Variants in AGXT2 observed in about 807,000 individuals in gnomAD.
The protein encoded by AGXT2 is alanine--glyoxylate aminotransferase 2, also known as alanine--glyoxylate aminotransferase 2, mitochondrial.
In AGXT2, 61 loss-of-function variants were observed where a neutral mutation model predicts 62.5. That is an observed-to-expected ratio of 0.98 (90% CI 0.79 to 1.21). The LOEUF (loss-of-function observed/expected upper bound fraction) is 1.21, where lower values mean the gene tolerates loss of function less well. Ranked by LOEUF, AGXT2 falls within the 50% of genes most tolerant of loss-of-function variation. AGXT2 has a pLI of 0.00. For synonymous variants in AGXT2, 243 were observed against 218.7 expected (o/e 1.11, Z -0.98); for missense variants, 666 against 641.5 (o/e 1.04, Z -0.41).
intron 2 of AGXT2, 51 bp from the exon 3 acceptor site, chr5:35,039,559 A>AGT (rs778602497): frequency 6.3e-7 from 1 of 1,583,232 alleles, no homozygotes; most frequent in African/African-American, 1.3e-5. Context: ...GATCAATAGC[A>AGT]GTCAATCTAT....
At chr5:35,015,465 G>A (rs968738487) in intron 9 of AGXT2, among the ~76,000 whole-genome samples, 5 of 152,056 alleles carry the variant, frequency 3.3e-5, no homozygotes, top group African/African-American at 1.2e-4. Flanking sequence ...CTGTCTCTCT[G>A]TCTGTCTGTC....
chr5:35,035,201 A>C, intron 5 of AGXT2, 21 bp downstream of exon 5: 1 of 1,605,792 alleles, frequency 6.2e-7, no homozygotes, highest in Non-Finnish European at 8.5e-7. Context: ...CCTAAAGTTG[A>C]ATATTCCAAG....
At chr5:35,020,680 C>T (rs1032238425) in intron 9 of AGXT2, among the ~76,000 whole-genome samples, 18 of 152,150 alleles carry the variant, frequency 1.2e-4, no homozygotes, top group South Asian at 6.2e-4. Context: ...GGGATGCCCT[C>T]GCTCACCACT....
At chr5:35,024,833 G>A (rs1767261583) in intron 9 of AGXT2, among the ~76,000 whole-genome samples, 1 of 152,104 alleles carries the variant, frequency 6.6e-6, no homozygotes, top group Non-Finnish European at 1.5e-5. Context: ...AGCCGGGTGT[G>A]GTGGCGGATG....
In AGXT2 at chr5:35,003,767, G is replaced by GA. The variant is rs1464274857; in HGVS notation, c.1432dup (p.Ser478PhefsTer14). 2 of 1,613,914 alleles carry GA rather than the reference G, an allele frequency of 1.2e-6. No homozygotes were observed. The highest frequency in any genetic ancestry group is 2.2e-5 in the East Asian group (1 of 44,868). On this transcript the variant is annotated frameshift_variant, in exon 13 of 14. Transcript: ENST00000231420. LOFTEE classifies it high-confidence loss of function. ...AAAAACCAGTCTTTCTCTTACCTGA[G>GA]AAAAAATGCTGCCTCTGCCAACGAG... is the stretch of plus-strand genomic sequence containing the variant.
intron 7 of AGXT2, among the ~76,000 whole-genome samples, chr5:35,031,364 C>T (rs1209315357): frequency 2.0e-5 from 3 of 152,168 alleles, no homozygotes; most frequent in Admixed American, 6.5e-5. Flanking sequence ...TCTCTTACCT[C>T]CATTTTGCTA....
At chr5:35,045,405 T>C (rs1187544539) in intron 1 of AGXT2, among the ~76,000 whole-genome samples, 3 of 152,222 alleles carry the variant, frequency 2.0e-5, no homozygotes, top group African/African-American at 7.2e-5. Context: ...ATTGGATACA[T>C]ACATAAATAC....
chr5:35,037,964 T>C (rs1767845684), intron 3 of AGXT2, among the ~76,000 whole-genome samples: 1 of 147,434 alleles, frequency 6.8e-6, no homozygotes, highest in Non-Finnish European at 1.5e-5. Context: ...CTACAGTTTG[T>C]TACAGGCCAA....
intron 7 of AGXT2, among the ~76,000 whole-genome samples, chr5:35,028,026 G>C (rs1561226366): frequency 6.6e-6 from 1 of 151,858 alleles, no homozygotes; most frequent in Non-Finnish European, 1.5e-5. Context: ...TGTGGCAGGG[G>C]AGGGTTTCCT....
At chr5:35,045,156 TAC>T (rs535671288) in intron 1 of AGXT2, among the ~76,000 whole-genome samples, 56 of 152,372 alleles carry the variant, frequency 3.7e-4, no homozygotes, top group Non-Finnish European at 6.5e-4. Context: ...TAACTTTGTA[TAC>T]ACAGTTAGCC....
At position 35,003,846 on chromosome 5, in the gene AGXT2, G is replaced by C; in HGVS notation, c.1354C>G (p.Leu452Val). The change falls in exon 13 of 14, where the codon CTT becomes GTT. Residue 452 changes from leucine (L) to valine (V), a missense_variant. Leu to Val is a conservative substitution (Grantham distance 32). Coordinates refer to ENST00000231420, the MANE Select transcript of AGXT2 (RefSeq NM_031900.4). ...ATCTGATTTACTTCTTCACGGGGAA[G>C]AGGCCGACAGCTTATCTGTAAATAT... The part of the protein sequence containing the change: ...MVQDKISCRP[L>V]PREEVNQIHE... 1 of 1,614,144 alleles carries C rather than the reference G, an allele frequency of 6.2e-7. No individual in the cohort carries two copies. Among genetic ancestry groups the C allele is most frequent in the South Asian group, 1.1e-5 (1 of 91,086 alleles).
chr5:35,041,226 A>G (rs1280854794), intron 1 of AGXT2, among the ~76,000 whole-genome samples: 12 of 149,030 alleles, frequency 8.1e-5, no homozygotes, highest in Non-Finnish European at 1.8e-4. Flanking sequence ...CCCCCGCCAA[A>G]AAAAAAAAAA....
chr5:35,023,809 C>T (rs578161711), intron 9 of AGXT2, among the ~76,000 whole-genome samples: 1 of 152,302 alleles, frequency 6.6e-6, no homozygotes, highest in South Asian at 2.1e-4. Flanking sequence ...GCTGCCCAGG[C>T]AGAAATTGCA....
At chr5:35,038,589 AG>A (rs922876724) in intron 3 of AGXT2, among the ~76,000 whole-genome samples, 16 of 151,890 alleles carry the variant, frequency 1.1e-4, no homozygotes, top group African/African-American at 2.7e-4. Context: ...CAGCTGCCTG[AG>A]GGGGGGGACT....
chr5:35,026,474 A>G lies in AGXT2; in HGVS notation c.806T>C (p.Phe269Ser). The part of the protein sequence containing the change: ...CQAKDQYIEQ[F>S]KDTLSTSVAK... ...CACAGATGTGCTCAGCGTATCTTTG[A>G]ATTGCTCAATATACTGATCTTTAGC... The change falls in exon 8 of 14, where the codon TTC (phenylalanine) becomes TCC (serine). Residue 269 changes from phenylalanine (F) to serine (S), a missense_variant. Phe to Ser is a radical substitution (Grantham distance 155). Transcript: ENST00000231420. 6.2e-7 allele frequency: 1 copy of G among 1,614,164 alleles called. No homozygotes were observed. The highest frequency in any genetic ancestry group is 1.3e-5 in the African/African-American group (1 of 75,054).
At chr5:35,009,379 T>C (rs1248944292) in intron 12 of AGXT2, among the ~76,000 whole-genome samples, 2 of 152,048 alleles carry the variant, frequency 1.3e-5, no homozygotes, top group Non-Finnish European at 2.9e-5. Flanking sequence ...GCAGATAACT[T>C]GAGGTAAGGA....
At chr5:35,024,031 T>C (rs760463890) in intron 9 of AGXT2, among the ~76,000 whole-genome samples, 12 of 152,194 alleles carry the variant, frequency 7.9e-5, no homozygotes, top group Non-Finnish European at 1.3e-4. Flanking sequence ...CAGCTGGGAT[T>C]ACAGGCATGC....
intron 8 of AGXT2, 164 bp downstream of exon 8, chr5:35,026,246 A>G (rs1318134574): frequency 1.2e-5 from 8 of 682,906 alleles, no homozygotes; most frequent in Non-Finnish European, 5.1e-6. Context: ...TTAAAAGGTC[A>G]TTTGAAAGTC....
chr5:35,029,561 C>G (rs344508), intron 7 of AGXT2, among the ~76,000 whole-genome samples: 142,883 of 152,344 alleles, frequency 0.94, 67,472 homozygotes, highest in Non-Finnish European at 1. Flanking sequence ...AAACCCCAAG[C>G]GGGTGGAGAC....
Sources: allele counts gnomAD v4.1 joint callset (sites outside exome capture counted in the v4.1 genomes callset), GRCh38; gene constraint gnomAD v4.1.1; transcripts MANE v1.5; gene names NCBI Gene and HGNC (gene_info 2026-07-23, HGNC 2026-07-21).